Variants in TMEM135 observed in about 807,000 individuals in gnomAD.
TMEM135 encodes the protein peroxisomal membrane protein 52.
Under a neutral mutation model 60.3 loss-of-function variants are expected in TMEM135, and 30 were observed. The ratio of observed to expected loss-of-function variants is 0.50; its 90% CI spans 0.37 to 0.68. The LOEUF is 0.68. Among genes scored for constraint, TMEM135 ranks in the 30% least tolerant of loss-of-function variants. The probability of loss-of-function intolerance (pLI) is 0.00; values close to 1 mark genes in which losing one functional copy is unlikely to be tolerated. For synonymous variants in TMEM135, 190 were observed against 186.7 expected, an observed-to-expected ratio of 1.02 and a Z score of -0.14; for missense variants, 468 against 548.8, an observed-to-expected ratio of 0.85 and a Z score of 1.47.
chr11:87,176,889 A>G (rs634277), intron 5 of TMEM135, among the ~76,000 whole-genome samples: 56,281 of 151,906 alleles, frequency 0.37, 10,957 homozygotes, highest in East Asian at 0.67. Flanking sequence ...GGAAAGCTCA[A>G]GGGTTAAAAA....
chr11:87,105,028 GT>G (rs2135189573), intron 4 of TMEM135, among the ~76,000 whole-genome samples: 1 of 152,298 alleles, frequency 6.6e-6, no homozygotes, highest in African/African-American at 2.4e-5. Context: ...ACTTTTCACT[GT>G]TGAGTATGAT....
chr11:87,226,367 G>A (rs1398869056), intron 5 of TMEM135, among the ~76,000 whole-genome samples: 1 of 152,044 alleles, frequency 6.6e-6, no homozygotes, highest in African/African-American at 2.4e-5. Flanking sequence ...ATTGTTATTT[G>A]ACCATTGAAT....
chr11:87,094,726 A>G (rs920614307), intron 4 of TMEM135: 7 of 205,872 alleles, frequency 3.4e-5, no homozygotes, highest in South Asian at 1.0e-4. Flanking sequence ...TGAGCACTCA[A>G]TGAATCTGCA....
chr11:87,136,281 A>G (rs981839577), intron 4 of TMEM135, among the ~76,000 whole-genome samples: 7 of 152,008 alleles, frequency 4.6e-5, no homozygotes, highest in Non-Finnish European at 8.8e-5. Flanking sequence ...AGAGATGAAC[A>G]TGTGCTTTTT....
At chr11:87,268,513 A>G (rs559962246) in intron 6 of TMEM135, among the ~76,000 whole-genome samples, 7 of 152,278 alleles carry the variant, frequency 4.6e-5, no homozygotes, top group African/African-American at 1.2e-4. Flanking sequence ...GATGACTTAA[A>G]TTTCTAACAA....
chr11:87,244,937 G>T (rs1016715569), intron 6 of TMEM135, among the ~76,000 whole-genome samples: 1 of 151,474 alleles, frequency 6.6e-6, no homozygotes, highest in Admixed American at 6.6e-5. Context: ...TTTTAATTGC[G>T]ATGTTCGGGT....
At chr11:87,249,444 A>AT (rs550620800) in intron 6 of TMEM135, among the ~76,000 whole-genome samples, 112 of 151,874 alleles carry the variant, frequency 7.4e-4, no homozygotes, top group African/African-American at 2.4e-3. Flanking sequence ...GATCTTTTGT[A>AT]TTTTTTGTGT....
chr11:87,246,164 A>T (rs1411275347), intron 6 of TMEM135, among the ~76,000 whole-genome samples: 2 of 134,260 alleles, frequency 1.5e-5, no homozygotes, highest in East Asian at 4.0e-4. Flanking sequence ...TTCTTTAAGA[A>T]TGTTGAATAT....
rs1338678350 is a variant in TMEM135, at chr11:87,051,063, A to T, written c.141+12877A>T. The stretch of plus-strand genomic sequence containing the variant: ...CATATAAACAGAGCCAAAGACAAAA[A>T]CCACATGATTATCTCAATAGATGCA... On this transcript the variant is annotated intron_variant, in intron 1 of 14. Transcript: ENST00000305494. Among the ~76,000 whole-genome samples the T allele has an allele frequency of 2.1e-5, 2 of 93,764 alleles. 1 individual carries two copies. Among genetic ancestry groups the T allele is most frequent in the Non-Finnish European group, 3.8e-5 (2 of 52,448 alleles). 61.5% of individuals were successfully genotyped at this position (93,764 alleles called of 152,430 possible).
intron 6 of TMEM135, among the ~76,000 whole-genome samples, chr11:87,284,921 A>G (rs1433714044): frequency 6.6e-6 from 1 of 152,218 alleles, no homozygotes. Context: ...TTTATTATTC[A>G]AACAAAATTT....
At chr11:87,101,745 C>A (rs568431303) in intron 4 of TMEM135, among the ~76,000 whole-genome samples, 1 of 152,108 alleles carries the variant, frequency 6.6e-6, no homozygotes, top group South Asian at 2.1e-4. Flanking sequence ...GAGGCCGAGG[C>A]GGGCAGATCA....
rs1942931884 is a variant in TMEM135 at position 87,327,549 on chromosome 11, A to T, written c.*6216A>T. Reference sequence around the variant, plus strand: ...ATACATAGAGAGAGATATGAGAGGGATAGAGAGAGACACAGAGAGAGATAT... The same window carrying T: ...ATACATAGAGAGAGATATGAGAGGGTTAGAGAGAGACACAGAGAGAGATAT... On this transcript the variant is annotated 3_prime_UTR_variant, in exon 15 of 15. Transcript: ENST00000305494. The T allele has an allele frequency of 2.2e-6, 1 of 452,530 alleles. No homozygotes were observed. Among genetic ancestry groups the T allele is most frequent in the Non-Finnish European group, 4.4e-6 (1 of 226,042 alleles). 28.0% of individuals were successfully genotyped at this position (452,530 alleles called of 1,614,324 possible).
Position 87,314,488 on chromosome 11 carries a change from T to G in TMEM135, c.1018T>G (p.Ser340Ala). The G allele has an allele frequency of 6.2e-7, 1 of 1,610,524 alleles. No homozygotes were observed. The highest frequency in any genetic ancestry group is 8.5e-7 in the Non-Finnish European group (1 of 1,177,546). ...TGTTTCAGGATTTTTGGCAGGTATA[T>G]CAATGATGTTTTATAAAAGCACAAC... is the stretch of plus-strand genomic sequence containing the variant. ...AIIAGFLAGI[S>A]MMFYKSTTIS... The change falls in exon 12 of 15, where the codon TCA (serine) becomes GCA (alanine). Residue 340 changes from serine (S) to alanine (A), a missense_variant. Transcript: ENST00000305494.
intron 3 of TMEM135, among the ~76,000 whole-genome samples, chr11:87,086,547 A>C (rs1043968753): frequency 2.0e-5 from 3 of 147,820 alleles, no homozygotes; most frequent in Admixed American, 2.0e-4. Flanking sequence ...CCCCACCCCC[A>C]CAGTTTGGTG....
At chr11:87,247,419 A>T (rs925027842) in intron 6 of TMEM135, among the ~76,000 whole-genome samples, 1 of 152,200 alleles carries the variant, frequency 6.6e-6, no homozygotes, top group Non-Finnish European at 1.5e-5. Flanking sequence ...TGCACAGGTT[A>T]CTGCTGTCTT....
rs1940743143 is a variant in TMEM135, at chr11:87,225,381, A to G, written c.463-11257A>G. Among the ~76,000 whole-genome samples the G allele has an allele frequency of 2.0e-5, 3 of 152,280 alleles. No homozygotes were observed. In the Middle Eastern group the frequency reaches 0.01, roughly 518 times the overall value. On this transcript the variant is annotated intron_variant, in intron 5 of 14. Transcript: ENST00000305494. ...AAGGACTTCATATAACATGTAACAT[A>G]TGGTGACCATTCAATAACATCTGCA...
intron 5 of TMEM135, among the ~76,000 whole-genome samples, chr11:87,166,484 A>C (rs1467773083): frequency 6.6e-6 from 1 of 151,578 alleles, no homozygotes; most frequent in African/African-American, 2.4e-5. Context: ...TTTTTGTTTA[A>C]TGTATAAGGA....
intron 1 of TMEM135, among the ~76,000 whole-genome samples, chr11:87,047,386 G>A (rs919730030): frequency 8.7e-4 from 132 of 151,800 alleles, no homozygotes; most frequent in African/African-American, 2.9e-3. Context: ...GGTGATTTCT[G>A]CATTTCCATC....
At chr11:87,310,245 A>G (rs1942619176) in intron 10 of TMEM135, among the ~76,000 whole-genome samples, 1 of 152,150 alleles carries the variant, frequency 6.6e-6, no homozygotes, top group South Asian at 2.1e-4. Flanking sequence ...GTGTCCATAC[A>G]TATATAAGCC....
Sources: gnomAD v4.1 joint callset for allele counts (sites outside exome capture counted in the v4.1 genomes callset) on GRCh38, gnomAD v4.1.1 for gene constraint, MANE v1.5 for transcripts, NCBI Gene and HGNC (gene_info 2026-07-23, HGNC 2026-07-21) for gene names.